CHRNA7: variants seen among roughly 807,000 people sequenced by gnomAD.
CHRNA7 encodes the protein cholinergic receptor nicotinic alpha 7 subunit.
A neutral mutation model predicts 48.0 loss-of-function variants in CHRNA7; 17 were observed. The observed-to-expected ratio is 0.35, with a 90% CI of 0.24 to 0.53. The LOEUF is 0.53. Ranked by LOEUF, CHRNA7 falls within the 20% of genes least tolerant of loss-of-function variation. The pLI, the probability that CHRNA7 is intolerant of heterozygous loss-of-function variation, is 0.92. For missense variants in CHRNA7, 155 were observed against 577.7 expected (o/e 0.27, Z 7.50); for synonymous variants, 75 against 242.3 (o/e 0.31, Z 6.41).
At chr15:32,041,885 A>C (rs146663119) in intron 2 of CHRNA7, among the ~76,000 whole-genome samples, 1 of 152,116 alleles carries the variant, frequency 6.6e-6, no homozygotes, top group African/African-American at 2.4e-5. Flanking sequence ...CTGTGCTTAC[A>C]TTGTTTAACT....
At chr15:32,051,772 G>C (rs574313165) in intron 2 of CHRNA7, among the ~76,000 whole-genome samples, 26 of 152,322 alleles carry the variant, frequency 1.7e-4, no homozygotes, top group African/African-American at 5.8e-4. Flanking sequence ...GACCGGAGCT[G>C]TTCCTATTTG....
In CHRNA7 at chr15:32,037,396, G is replaced by A. The variant is rs560991032; in HGVS notation, c.195+6359G>A. ...CAACTTTGTCGTTCCTCAACATTGT[G>A]TTGGCTATTCTGGGTCTTTTGCGTC... On this transcript the variant is annotated intron_variant, in intron 2 of 9. Coordinates refer to ENST00000306901, the MANE Select transcript of CHRNA7 (RefSeq NM_000746.6). Among the ~76,000 whole-genome samples, 88 of 152,266 alleles carry A rather than the reference G, an allele frequency of 5.8e-4. 1 individual carries two copies. In the South Asian group the frequency reaches 0.018, roughly 31 times the overall value.
chr15:32,059,992 A>G (rs1235881524), intron 2 of CHRNA7, among the ~76,000 whole-genome samples: 2 of 147,980 alleles, frequency 1.4e-5, no homozygotes, highest in Non-Finnish European at 3.0e-5. Flanking sequence ...CATGTATGCA[A>G]GGATTCAAAG....
At chr15:32,035,372 A>G (rs764798876) in intron 2 of CHRNA7, among the ~76,000 whole-genome samples, 2 of 152,250 alleles carry the variant, frequency 1.3e-5, no homozygotes, top group Non-Finnish European at 1.5e-5. Flanking sequence ...CCAGAAGTCA[A>G]GTTTGTTAAT....
chr15:32,062,100 C>CT (rs548348733), intron 2 of CHRNA7, among the ~76,000 whole-genome samples: 1 of 152,142 alleles, frequency 6.6e-6, no homozygotes, highest in African/African-American at 2.4e-5. Context: ...AATTCTAACT[C>CT]TTTTAGCTGT....
At chr15:32,131,219 CT>C (rs1392849653) in intron 4 of CHRNA7, among the ~76,000 whole-genome samples, 1 of 151,974 alleles carries the variant, frequency 6.6e-6, no homozygotes, top group Non-Finnish European at 1.5e-5. Context: ...AGATGTATAT[CT>C]TTTGCTAAAT....
chr15:32,141,551 T>C (rs1363593697), intron 4 of CHRNA7, among the ~76,000 whole-genome samples: 5 of 152,254 alleles, frequency 3.3e-5, no homozygotes, highest in Non-Finnish European at 7.3e-5. Flanking sequence ...TTCCTATCCA[T>C]GAGCATGGAA....
intron 9 of CHRNA7, chr15:32,166,462 G>GAA (rs1458486514): frequency 2.6e-5 from 4 of 152,344 alleles, no homozygotes; most frequent in Non-Finnish European, 5.9e-5. Flanking sequence ...TAGCTGCAAT[G>GAA]AAACTGGTCT....
chr15:32,102,799 C>A (rs182668520), intron 3 of CHRNA7: 33 of 152,248 alleles, frequency 2.2e-4, no homozygotes, highest in Admixed American at 2.0e-3. Context: ...ACATGAAAGC[C>A]ACTTTGTTAA....
intron 2 of CHRNA7, chr15:32,099,867 A>G (rs2050540840): frequency 6.6e-6 from 1 of 152,234 alleles, no homozygotes. Flanking sequence ...GGCACATTTT[A>G]TTAGGAAAAT....
chr15:32,050,545 G>T (rs893300766), intron 2 of CHRNA7, among the ~76,000 whole-genome samples: 22 of 152,126 alleles, frequency 1.4e-4, no homozygotes, highest in Admixed American at 7.2e-4. Flanking sequence ...TTATACATTC[G>T]TCTAAATTTT....
chr15:32,135,956 AC>A (rs1411789578), intron 4 of CHRNA7, among the ~76,000 whole-genome samples: 8 of 152,326 alleles, frequency 5.3e-5, no homozygotes, highest in Non-Finnish European at 1.0e-4. Context: ...ATAATTGTCA[AC>A]CTAGAGTTTT....
intron 2 of CHRNA7, among the ~76,000 whole-genome samples, chr15:32,040,716 ATTAAT>A (rs1390804490): frequency 1.3e-5 from 2 of 151,982 alleles, no homozygotes; most frequent in Admixed American, 1.3e-4. Flanking sequence ...TGTTAGATAA[ATTAAT>A]AAGAAAAACA....
chr15:32,041,853 T>A (rs2049455637), intron 2 of CHRNA7, among the ~76,000 whole-genome samples: 1 of 152,214 alleles, frequency 6.6e-6, no homozygotes, highest in African/African-American at 2.4e-5. Context: ...TTCTTTTTGG[T>A]TATGTCTTAG....
At chr15:32,038,207 ATT>A (rs963613624) in intron 2 of CHRNA7, among the ~76,000 whole-genome samples, 4 of 148,752 alleles carry the variant, frequency 2.7e-5, no homozygotes, top group African/African-American at 9.8e-5. Context: ...TAATATACAT[ATT>A]TTATATATAC....
chr15:32,068,763 A>ATTTC (rs2050006803), intron 2 of CHRNA7, among the ~76,000 whole-genome samples: 1 of 152,178 alleles, frequency 6.6e-6, no homozygotes, highest in African/African-American at 2.4e-5. Flanking sequence ...ACAGACTAAA[A>ATTTC]AGAGCATTTC....
At chr15:32,151,293 T>C (rs537876674) in intron 4 of CHRNA7, among the ~76,000 whole-genome samples, 1 of 152,316 alleles carries the variant, frequency 6.6e-6, no homozygotes, top group African/African-American at 2.4e-5. Context: ...CACCTTTTTC[T>C]AGGCCTCCTG....
At chr15:32,114,036 A>ATGTG (rs1566848746) in intron 4 of CHRNA7, among the ~76,000 whole-genome samples, 55 of 80,262 alleles carry the variant, frequency 6.9e-4, no homozygotes, top group South Asian at 5.2e-3. Context: ...ATATATATAT[A>ATGTG]TATATATGTA....
chr15:32,030,510 G>C (rs1250974653), upstream of CHRNA7: 1 of 1,291,956 alleles, frequency 7.7e-7, no homozygotes, highest in Non-Finnish European at 9.8e-7. Context: ...GCCGAGCGGC[G>C]AGGTGCCTCT....
Sources: allele counts gnomAD v4.1 joint callset (sites outside exome capture counted in the v4.1 genomes callset), GRCh38; gene constraint gnomAD v4.1.1; transcripts MANE v1.5; gene names NCBI Gene and HGNC (gene_info 2026-07-23, HGNC 2026-07-21).